Variants in MARCHF11 observed in about 807,000 individuals in gnomAD.
MARCHF11 encodes membrane associated ring-CH-type finger 11.
A neutral mutation model predicts 37.3 loss-of-function variants in MARCHF11; 29 were observed. The observed-to-expected ratio is 0.78, with a 90% confidence interval of 0.58 to 1.06. The LOEUF (loss-of-function observed/expected upper bound fraction) is 1.06, where lower values mean the gene tolerates loss of function less well. Ranked by LOEUF, MARCHF11 falls within the 50% of genes least tolerant of loss-of-function variation. The pLI, the probability that MARCHF11 is intolerant of heterozygous loss-of-function variation, is 0.00. For synonymous variants in MARCHF11, 233 were observed against 228.0 expected (o/e 1.02, Z -0.20); for missense variants, 482 against 533.4 (o/e 0.90, Z 0.95).
intron 2 of MARCHF11, among the ~76,000 whole-genome samples, chr5:16,170,410 C>T (rs535942037): frequency 2.6e-5 from 4 of 152,098 alleles, no homozygotes; most frequent in African/African-American, 9.6e-5. Context: ...AAATAGATCC[C>T]GTGTTACTAT....
At chr5:16,112,755 T>G (rs1049429052) in intron 2 of MARCHF11, among the ~76,000 whole-genome samples, 5 of 152,150 alleles carry the variant, frequency 3.3e-5, no homozygotes, top group Non-Finnish European at 5.9e-5. Flanking sequence ...TGTCCCTACC[T>G]AAATCTCATC....
At chr5:16,099,670 T>C (rs1579380674) in intron 2 of MARCHF11, among the ~76,000 whole-genome samples, 1 of 152,176 alleles carries the variant, frequency 6.6e-6, no homozygotes, top group East Asian at 1.9e-4. Flanking sequence ...TTTCAATTCA[T>C]AGAAATCAAA....
intron 2 of MARCHF11, among the ~76,000 whole-genome samples, chr5:16,176,812 C>G (rs921265455): frequency 1.3e-5 from 2 of 152,082 alleles, no homozygotes; most frequent in African/African-American, 4.8e-5. Context: ...GAATTTATTA[C>G]TTTTCCCCCT....
chr5:16,114,019 C>T (rs562294540), intron 2 of MARCHF11, among the ~76,000 whole-genome samples: 1 of 151,082 alleles, frequency 6.6e-6, no homozygotes, highest in African/African-American at 2.5e-5. Flanking sequence ...TTTCTAGCTC[C>T]CCCATATGAT....
chr5:16,098,893 TAA>T (rs945608395), intron 2 of MARCHF11, among the ~76,000 whole-genome samples: 1 of 152,170 alleles, frequency 6.6e-6, no homozygotes, highest in African/African-American at 2.4e-5. Context: ...ATAAATGACT[TAA>T]GACTAATTTT....
At chr5:16,119,244 T>C (rs1466790266) in intron 2 of MARCHF11, among the ~76,000 whole-genome samples, 3 of 151,760 alleles carry the variant, frequency 2.0e-5, no homozygotes, top group Non-Finnish European at 4.4e-5. Flanking sequence ...ACGCCTGTAA[T>C]TGCACCTGCT....
intron 2 of MARCHF11, among the ~76,000 whole-genome samples, chr5:16,112,464 G>A (rs1202023708): frequency 1.3e-5 from 2 of 152,150 alleles, no homozygotes; most frequent in Non-Finnish European, 1.5e-5. Context: ...GGGGTCTGTA[G>A]CCCCTTTGTT....
chr5:16,111,881 T>C (rs1377791579), intron 2 of MARCHF11, among the ~76,000 whole-genome samples: 1 of 152,136 alleles, frequency 6.6e-6, no homozygotes, highest in Admixed American at 6.5e-5. Flanking sequence ...TCCCAGCCAC[T>C]CTAGCCATGG....
intron 2 of MARCHF11, among the ~76,000 whole-genome samples, chr5:16,109,242 C>A (rs750979357): frequency 5.9e-5 from 9 of 152,012 alleles, no homozygotes; most frequent in African/African-American, 9.7e-5. Flanking sequence ...ACTGGTGGCT[C>A]CTGGATGGAC....
At chr5:16,102,666 G>A (rs1579382503) in intron 2 of MARCHF11, among the ~76,000 whole-genome samples, 1 of 152,168 alleles carries the variant, frequency 6.6e-6, no homozygotes, top group Non-Finnish European at 1.5e-5. Context: ...CCATTGCTCA[G>A]TAAAATCTCC....
chr5:16,168,064 A>T (rs1191240656), intron 2 of MARCHF11, among the ~76,000 whole-genome samples: 1 of 152,138 alleles, frequency 6.6e-6, no homozygotes, highest in Non-Finnish European at 1.5e-5. Flanking sequence ...TCATGCATCC[A>T]TCATCACTTC....
At chr5:16,140,066 T>C (rs1331284106) in intron 2 of MARCHF11, among the ~76,000 whole-genome samples, 1 of 152,156 alleles carries the variant, frequency 6.6e-6, no homozygotes, top group Non-Finnish European at 1.5e-5. Flanking sequence ...ATAAACTTTG[T>C]GTCAAAAATG....
rs187334718 is a variant in MARCHF11 at position 16,142,307 on chromosome 5, A to G, written c.693+35419T>C. Among the ~76,000 whole-genome samples the G allele has an allele frequency of 2.8e-3, 431 of 152,334 alleles. 6 individuals carry two copies. Among genetic ancestry groups the G allele is most frequent in the African/African-American group, 9.4e-3 (390 of 41,586 alleles). ...CATGATACGGTTTTCTCTTCCACCT[A>G]GGACCTATGTCCTCACCTCCTCCAC... On this transcript the variant is annotated intron_variant, in intron 2 of 3. Coordinates refer to ENST00000332432, the MANE Select transcript of MARCHF11 (RefSeq NM_001102562.3).
Position 16,179,489 on chromosome 5 carries a change from C to A in MARCHF11, c.87G>T (p.Pro29=), listed in dbSNP as rs964602115. The change falls in exon 1 of 4, where the codon CCG becomes CCT. Residue 29 remains proline (P), a synonymous_variant. Transcript: ENST00000332432. ...DAEPPPQPPP[P]PPPTPPPGEP... Reference sequence around the variant, plus strand: ...CTCCCGGCGGCGGCGTCGGCGGCGGCGGCGGGGGAGGTTGCGGGGGAGGCT... The same window carrying A: ...CTCCCGGCGGCGGCGTCGGCGGCGGAGGCGGGGGAGGTTGCGGGGGAGGCT... 179 of 1,151,068 alleles carry A rather than the reference C, an allele frequency of 1.6e-4. No individual in the cohort carries two copies. In the African/African-American group the frequency reaches 2.8e-3, roughly 18 times the overall value. 71.3% of individuals were successfully genotyped at this position (1,151,068 alleles called of 1,614,324 possible). A position where few individuals can be genotyped will look rare whatever the true frequency, so the allele number is the denominator to read the frequency against.
chr5:16,167,106 T>A (rs531738020), intron 2 of MARCHF11, among the ~76,000 whole-genome samples: 1 of 150,120 alleles, frequency 6.7e-6, no homozygotes, highest in Non-Finnish European at 1.5e-5. Context: ...ATCATGAAAT[T>A]GAAAAATTAT....
intron 2 of MARCHF11, among the ~76,000 whole-genome samples, chr5:16,101,350 T>G (rs1204697637): frequency 1.3e-5 from 2 of 152,186 alleles, no homozygotes; most frequent in African/African-American, 4.8e-5. Context: ...CACTCCAGCC[T>G]GGGCAACAGA....
rs1392130473 is a variant in MARCHF11, at chr5:16,127,505, A to T, written c.694-36424T>A. On this transcript the variant is annotated intron_variant, in intron 2 of 3. Transcript: ENST00000332432. ...AGTGAGACTTTGAGATTTGCCCCCA[A>T]ATCAACACCTAACAAGGCATATCTG... is the stretch of plus-strand genomic sequence containing the variant. Among the ~76,000 whole-genome samples the T allele has an allele frequency of 2.6e-5, 4 of 152,184 alleles. No homozygotes were observed. The South Asian group carries it at 8.3e-4, about 32-fold the overall frequency.
intron 2 of MARCHF11, among the ~76,000 whole-genome samples, chr5:16,167,043 C>T (rs988463864): frequency 4.0e-5 from 6 of 150,848 alleles, no homozygotes; most frequent in African/African-American, 1.5e-4. Flanking sequence ...TATGTCCCAA[C>T]ATTACCCCAT....
chr5:16,154,067 G>A (rs78388169), intron 2 of MARCHF11, among the ~76,000 whole-genome samples: 3,728 of 151,922 alleles, frequency 0.025, 118 homozygotes, highest in African/African-American at 0.064. Flanking sequence ...CAGCCGTGGC[G>A]CACCTTACCT....
Sources: allele counts gnomAD v4.1 joint callset (sites outside exome capture counted in the v4.1 genomes callset), GRCh38; gene constraint gnomAD v4.1.1; transcripts MANE v1.5; gene names NCBI Gene and HGNC (gene_info 2026-07-23, HGNC 2026-07-21).